Variants in UNC79 observed in about 807,000 individuals in gnomAD.
UNC79 encodes protein unc-79 homolog.
Under a neutral mutation model 283.1 loss-of-function variants are expected in UNC79, and 37 were observed. That is an observed-to-expected ratio of 0.13 (90% confidence interval 0.10 to 0.17). The LOEUF (loss-of-function observed/expected upper bound fraction) is 0.17. Among genes scored for constraint, UNC79 ranks in the 10% least tolerant of loss-of-function variants. UNC79 has a pLI of 1.00. For missense variants in UNC79, 2,272 were observed against 3,211.1 expected (o/e 0.71, Z 7.07); for synonymous variants, 1,107 against 1,200.2 (o/e 0.92, Z 1.61).
chr14:93,629,381 C>T (rs555121551), intron 30 of UNC79, among the ~76,000 whole-genome samples: 1 of 152,272 alleles, frequency 6.6e-6, no homozygotes, highest in East Asian at 1.9e-4. Context: ...GATAATTATG[C>T]ATGTTTTTGA....
exon 24 of UNC79, chr14:93,597,403 G>A (rs1298812346): frequency 1.9e-6 from 3 of 1,614,044 alleles, no homozygotes; most frequent in South Asian, 1.1e-5. Context: ...TATTCACTCA[G>A]TAACCAAAAA....
At position 93,621,731 on chromosome 14, in the gene UNC79, A is replaced by G; in HGVS notation, c.4498A>G (p.Lys1500Glu). 1 of 1,614,130 alleles carries G rather than the reference A, an allele frequency of 6.2e-7. No individual in the cohort carries two copies. The change falls in exon 30 of 49, where the codon AAA (lysine) becomes GAA (glutamate). Residue 1500 changes from lysine to glutamate, a missense_variant. By Grantham distance (56) the Lys-to-Glu change is moderately conservative (BLOSUM62 1). Around this residue, in one of 11 missense-constraint regions of UNC79, gnomAD observed 580 missense variants for 632.2 expected, o/e 0.92. Transcript: ENST00000555664. This position sits in a 1 kb window ranked among gnomAD's most constrained non-coding sequence, Gnocchi z 4.8. The stretch of plus-strand genomic sequence containing the variant: ...AAAAAAGCTACGCTCTTTCAAACAA[A>G]AATCTCTTGATATAGGGAATGCAGA...
chr14:93,577,818 A>T (rs757908479), intron 17 of UNC79, 24 bp from the exon 18 acceptor site: 5 of 1,609,230 alleles, frequency 3.1e-6, no homozygotes, highest in Non-Finnish European at 4.2e-6. Context: ...GTTCATTTCT[A>T]TGTGTTGCCA....
chr14:93,677,940 G>T (rs900145670), intron 41 of UNC79, among the ~76,000 whole-genome samples: 3 of 152,114 alleles, frequency 2.0e-5, no homozygotes, highest in African/African-American at 4.8e-5. Flanking sequence ...GAGCCACTGC[G>T]CCTGGCCTAG....
At chr14:93,393,619 G>A (rs148510864) in intron 1 of UNC79, among the ~76,000 whole-genome samples, 1 of 152,270 alleles carries the variant, frequency 6.6e-6, no homozygotes, top group African/African-American at 2.4e-5. Flanking sequence ...CAATGAATAT[G>A]CAAACTTTTC....
chr14:93,384,896 A>T (rs896263421), intron 1 of UNC79, among the ~76,000 whole-genome samples: 1 of 152,206 alleles, frequency 6.6e-6, no homozygotes, highest in African/African-American at 2.4e-5. Context: ...ATTCTCTTGC[A>T]TGTGGATATC....
intron 1 of UNC79, among the ~76,000 whole-genome samples, chr14:93,434,266 TG>T (rs1038308722): frequency 1.3e-5 from 2 of 152,102 alleles, no homozygotes; most frequent in African/African-American, 4.8e-5. Flanking sequence ...AGCTAGTTTT[TG>T]GAGCCTTTAA....
intron 2 of UNC79, among the ~76,000 whole-genome samples, chr14:93,469,240 C>A (rs2057374629): frequency 6.6e-6 from 1 of 152,136 alleles, no homozygotes; most frequent in Admixed American, 6.5e-5. Context: ...AGCAGTGGAC[C>A]ATTAGAATAT....
chr14:93,338,494 C>T (rs943231241), intron 1 of UNC79, among the ~76,000 whole-genome samples: 1 of 152,072 alleles, frequency 6.6e-6, no homozygotes, highest in Non-Finnish European at 1.5e-5. Flanking sequence ...GGGAAAAAGA[C>T]AAGCCATACA....
At chr14:93,674,417 A>C (rs1250790555) in intron 41 of UNC79, among the ~76,000 whole-genome samples, 3 of 152,176 alleles carry the variant, frequency 2.0e-5, no homozygotes, top group African/African-American at 4.8e-5. Context: ...TGGCTGTGCC[A>C]GAGGAATCAG....
In UNC79 at chr14:93,649,411, A is replaced by G. The variant is rs115038965; in HGVS notation, c.6083+2765A>G. Among the ~76,000 whole-genome samples the G allele has an allele frequency of 6.5e-3, 986 of 152,198 alleles. 12 individuals carry two copies. The highest frequency in any genetic ancestry group is 0.023 in the African/African-American group (939 of 41,544). On this transcript the variant is annotated intron_variant, in intron 35 of 48. Transcript: ENST00000555664. ...ACCTAGATTTTAAAACAAATATTTT[A>G]TTTTCTTTATCATGCATCCAACCAT...
At chr14:93,578,205 G>T (rs2063579225) in intron 18 of UNC79, 142 bp downstream of exon 18, 3 of 769,794 alleles carry the variant, frequency 3.9e-6, no homozygotes, top group Non-Finnish European at 4.1e-6. Context: ...AACTCCTTTG[G>T]AGATTTTCTA....
chr14:93,646,739 G>A, intron 35 of UNC79, 93 bp downstream of exon 38: 1 of 1,394,802 alleles, frequency 7.2e-7, no homozygotes. Context: ...GCTGGGTGCA[G>A]TGGCTCGCGT....
intron 41 of UNC79, 61 bp downstream of exon 44, chr14:93,673,516 A>C: frequency 7.0e-7 from 1 of 1,421,574 alleles, no homozygotes; most frequent in Non-Finnish European, 9.8e-7. Context: ...GGGAAAATTA[A>C]GGGAGGTGTA....
At chr14:93,636,376 A>T (rs2068510240) in intron 31 of UNC79, among the ~76,000 whole-genome samples, 1 of 152,126 alleles carries the variant, frequency 6.6e-6, no homozygotes. Context: ...TCATCTCAAT[A>T]TTCTTGTTTT....
intron 33 of UNC79, among the ~76,000 whole-genome samples, chr14:93,641,610 G>A (rs1034257882): frequency 5.3e-5 from 8 of 152,104 alleles, no homozygotes; most frequent in Admixed American, 2.0e-4. Context: ...CTGTGATAGC[G>A]CCACTACACT....
chr14:93,450,137 G>A (rs10147665), intron 1 of UNC79, among the ~76,000 whole-genome samples: 105,561 of 151,926 alleles, frequency 0.69, 37,065 homozygotes, highest in Middle Eastern at 0.77. Flanking sequence ...TGTGTAGGCC[G>A]GGGGACCTCT....
At chr14:93,489,877 C>G (rs888713522) in intron 5 of UNC79, among the ~76,000 whole-genome samples, 1 of 152,200 alleles carries the variant, frequency 6.6e-6, no homozygotes, top group African/African-American at 2.4e-5. Context: ...GGGCCCCACT[C>G]TGCAGGCTGG....
intron 46 of UNC79, 135 bp downstream of exon 49, chr14:93,692,081 A>C: frequency 1.9e-6 from 2 of 1,038,132 alleles, no homozygotes; most frequent in South Asian, 3.1e-5. Flanking sequence ...GTTACCTTAT[A>C]AGCTGGATGT....
Sources: allele counts gnomAD v4.1 joint callset (sites outside exome capture counted in the v4.1 genomes callset), GRCh38; gene constraint gnomAD v4.1.1; regional missense constraint gnomAD v4.1.1; non-coding constraint Gnocchi (gnomAD v3.1); transcripts MANE v1.5; gene names NCBI Gene and HGNC (gene_info 2026-07-23, HGNC 2026-07-21).